Variants in PRTFDC1 observed in about 807,000 individuals in gnomAD.
The protein encoded by PRTFDC1 is phosphoribosyltransferase domain-containing protein 1.
PRTFDC1 carries 38 observed loss-of-function variants against 34.6 expected under a neutral mutation model. The observed-to-expected ratio is 1.10, with a 90% CI of 0.85 to 1.44. PRTFDC1 has a LOEUF of 1.44. PRTFDC1 is among the 40% of genes most tolerant of loss of function. PRTFDC1 has a pLI of 0.00. For synonymous variants in PRTFDC1, 93 were observed against 98.1 expected, an observed-to-expected ratio of 0.95 and a Z score of 0.31; for missense variants, 270 against 283.0, an observed-to-expected ratio of 0.95 and a Z score of 0.33.
chr10:24,917,539 C>T (rs992697645), intron 3 of PRTFDC1, among the ~76,000 whole-genome samples: 6 of 152,088 alleles, frequency 3.9e-5, no homozygotes, highest in Admixed American at 6.6e-5. Flanking sequence ...TCTCTGTTCT[C>T]GCTCTATTTT....
At chr10:24,935,491 GC>G (rs1849035269) in intron 3 of PRTFDC1, among the ~76,000 whole-genome samples, 5 of 152,194 alleles carry the variant, frequency 3.3e-5, no homozygotes, top group Admixed American at 6.5e-5. Context: ...CTAATTTCCA[GC>G]TGCTCTAGAA....
At chr10:24,907,298 A>G (rs1848551917) in intron 3 of PRTFDC1, among the ~76,000 whole-genome samples, 1 of 152,194 alleles carries the variant, frequency 6.6e-6, no homozygotes, top group Non-Finnish European at 1.5e-5. Context: ...CTGTAGAATA[A>G]AAGTATTCAC....
At chr10:24,915,966 C>T (rs916445275) in intron 3 of PRTFDC1, among the ~76,000 whole-genome samples, 1 of 152,168 alleles carries the variant, frequency 6.6e-6, no homozygotes, top group Non-Finnish European at 1.5e-5. Context: ...ACTGGTATAT[C>T]CAACTGCCTG....
At chr10:24,900,674 A>G (rs1025917461) in intron 3 of PRTFDC1, among the ~76,000 whole-genome samples, 2 of 152,230 alleles carry the variant, frequency 1.3e-5, no homozygotes, top group Non-Finnish European at 2.9e-5. Flanking sequence ...TTCATTGAAT[A>G]AAAAACATTC....
chr10:24,908,145 G>A (rs547923567), intron 3 of PRTFDC1, among the ~76,000 whole-genome samples: 2 of 152,240 alleles, frequency 1.3e-5, no homozygotes, highest in South Asian at 2.1e-4. Flanking sequence ...TGAGTACTGC[G>A]AGATCCACAC....
chr10:24,869,796 C>T (rs1847844485), intron 4 of PRTFDC1, among the ~76,000 whole-genome samples: 1 of 152,198 alleles, frequency 6.6e-6, no homozygotes, highest in Non-Finnish European at 1.5e-5. Flanking sequence ...CCTTTCTCTC[C>T]ACCTCTCAAC....
intron 3 of PRTFDC1, among the ~76,000 whole-genome samples, chr10:24,894,192 G>A (rs772001188): frequency 4.6e-5 from 7 of 152,084 alleles, no homozygotes; most frequent in East Asian, 3.9e-4. Context: ...TTAGCTGGGC[G>A]TGGCAGCATG....
At chr10:24,934,259 GAAGA>G (rs1849016521) in intron 3 of PRTFDC1, among the ~76,000 whole-genome samples, 2 of 149,568 alleles carry the variant, frequency 1.3e-5, no homozygotes, top group Non-Finnish European at 2.9e-5. Flanking sequence ...AGAAGAAGAA[GAAGA>G]AGAAGAAGAA....
At chr10:24,941,555 C>T (rs1340782444) in intron 2 of PRTFDC1, among the ~76,000 whole-genome samples, 2 of 151,986 alleles carry the variant, frequency 1.3e-5, no homozygotes, top group Non-Finnish European at 2.9e-5. Flanking sequence ...GGGCCCCACC[C>T]TAGAATATCG....
intron 3 of PRTFDC1, among the ~76,000 whole-genome samples, chr10:24,877,307 T>G (rs140901171): frequency 0.02 from 3,108 of 152,270 alleles, 58 homozygotes; most frequent in South Asian, 0.033. Flanking sequence ...TCGTTGGGAT[T>G]ATGGCCGTGA....
At chr10:24,859,501 C>T (rs1176806665) in intron 4 of PRTFDC1, among the ~76,000 whole-genome samples, 1 of 152,202 alleles carries the variant, frequency 6.6e-6, no homozygotes, top group Non-Finnish European at 1.5e-5. Flanking sequence ...CCTCCTTGGC[C>T]TTCCAAAGTG....
intron 4 of PRTFDC1, among the ~76,000 whole-genome samples, chr10:24,869,467 C>T (rs1470442768): frequency 6.6e-6 from 1 of 152,188 alleles, no homozygotes; most frequent in Admixed American, 6.5e-5. Context: ...AGTTCCCCTA[C>T]AGCTGAAAAA....
intron 3 of PRTFDC1, among the ~76,000 whole-genome samples, chr10:24,907,974 T>TTTAGACC (rs1848563071): frequency 6.6e-6 from 1 of 152,142 alleles, no homozygotes; most frequent in African/African-American, 2.4e-5. Flanking sequence ...GTCCTAAGAG[T>TTTAGACC]TTGATTTTCA....
intron 8 of PRTFDC1, among the ~76,000 whole-genome samples, chr10:24,850,999 G>C (rs1039842329): frequency 2.0e-5 from 3 of 152,142 alleles, no homozygotes. Flanking sequence ...AGAGGGAAGA[G>C]TTATGAGCTG....
At chr10:24,896,049 G>A (rs1422846245) in intron 3 of PRTFDC1, among the ~76,000 whole-genome samples, 1 of 152,094 alleles carries the variant, frequency 6.6e-6, no homozygotes, top group African/African-American at 2.4e-5. Flanking sequence ...TACAGAGAAG[G>A]GCTTTTGGTC....
intron 3 of PRTFDC1, among the ~76,000 whole-genome samples, chr10:24,903,842 TTTA>T (rs57243977): frequency 3.6e-4 from 54 of 150,402 alleles, no homozygotes; most frequent in African/African-American, 1.0e-3. Flanking sequence ...ACCCAGCTAA[TTTA>T]TTATTATTAT....
intron 3 of PRTFDC1, among the ~76,000 whole-genome samples, chr10:24,899,566 C>T (rs560726832): frequency 9.9e-5 from 15 of 152,098 alleles, no homozygotes; most frequent in African/African-American, 3.1e-4. Flanking sequence ...AACAATTTAC[C>T]CATTATATGG....
chr10:24,866,434 G>C (rs114542324), intron 4 of PRTFDC1, among the ~76,000 whole-genome samples: 2,167 of 150,764 alleles, frequency 0.014, 54 homozygotes, highest in African/African-American at 0.048. Context: ...CCAAAATCTT[G>C]GGCTTAACCT....
At chr10:24,907,840 G>A (rs2132562998) in intron 3 of PRTFDC1, among the ~76,000 whole-genome samples, 1 of 152,140 alleles carries the variant, frequency 6.6e-6, no homozygotes, top group South Asian at 2.1e-4. Flanking sequence ...TTTACTTTCT[G>A]TCCTTTTTTA....
Sources: gnomAD v4.1 joint callset for allele counts (sites outside exome capture counted in the v4.1 genomes callset) on GRCh38, gnomAD v4.1.1 for gene constraint, MANE v1.5 for transcripts, NCBI Gene and HGNC (gene_info 2026-07-23, HGNC 2026-07-21) for gene names.